The following CPB1 variants were observed in gnomAD, a reference collection of about 807,000 sequenced individuals.
CPB1 encodes the protein carboxypeptidase B.
In CPB1, 53 loss-of-function variants were observed where a neutral mutation model predicts 51.4. The observed-to-expected ratio is 1.03, with a 90% CI of 0.83 to 1.30. CPB1 has a LOEUF of 1.30. CPB1 is among the 50% of genes most tolerant of loss of function. The pLI, the probability that CPB1 is intolerant of heterozygous loss-of-function variation, is 0.00. For missense variants in CPB1, 494 were observed against 516.2 expected, an observed-to-expected ratio of 0.96 and a Z score of 0.42; for synonymous variants, 189 against 186.9, an observed-to-expected ratio of 1.01 and a Z score of -0.09.
chr3:148,834,364 G>A, intron 2 of CPB1, 134 bp from the exon 3 acceptor site: 1 of 874,016 alleles, frequency 1.1e-6, no homozygotes, highest in Non-Finnish European at 1.8e-6. Context: ...TTCACTCAAA[G>A]GAAATATTTT....
chr3:148,848,930 T>G (rs1050028352), intron 9 of CPB1, among the ~76,000 whole-genome samples: 1 of 152,248 alleles, frequency 6.6e-6, no homozygotes, highest in African/African-American at 2.4e-5. Context: ...TTACTCATAC[T>G]ATATTGTTTA....
chr3:148,842,364 G>T (rs1328853818), intron 6 of CPB1, among the ~76,000 whole-genome samples: 1 of 152,130 alleles, frequency 6.6e-6, no homozygotes. Context: ...ATTATCTCTT[G>T]GCTAATAATC....
chr3:148,858,029 T>C (rs1332009599), intron 10 of CPB1, among the ~76,000 whole-genome samples: 3 of 151,714 alleles, frequency 2.0e-5, no homozygotes, highest in Non-Finnish European at 4.4e-5. Flanking sequence ...AAAGTAAGAA[T>C]AGAGAGAAGA....
In CPB1 at chr3:148,828,038, T is replaced by C; in HGVS notation, c.108T>C (p.Asn36=). Residue 36 remains asparagine (N), a synonymous_variant, in exon 2 of 11, where the codon AAT becomes AAC. Coordinates refer to ENST00000282957, the MANE Select transcript of CPB1 (RefSeq NM_001871.3). Reference sequence around the variant, plus strand: ...TCCGTGTTAACGTTGAAGATGAAAATCACATTAACATAATCCGCGAGTTGG... The same window carrying C: ...TCCGTGTTAACGTTGAAGATGAAAACCACATTAACATAATCCGCGAGTTGG... ...KVFRVNVEDE[N]HINIIRELAS... The C allele has an allele frequency of 1.2e-6, 2 of 1,614,080 alleles. No homozygotes were observed. Among genetic ancestry groups the C allele is most frequent in the Non-Finnish European group, 1.7e-6 (2 of 1,179,998 alleles).
At chr3:148,840,188 T>C (rs1331602952) in intron 3 of CPB1, among the ~76,000 whole-genome samples, 1 of 152,190 alleles carries the variant, frequency 6.6e-6, no homozygotes, top group African/African-American at 2.4e-5. Context: ...AGACAAGATA[T>C]TTTTCTCAGA....
chr3:148,847,130 T>C (rs1713281707), intron 9 of CPB1, among the ~76,000 whole-genome samples: 1 of 150,966 alleles, frequency 6.6e-6, no homozygotes, highest in Non-Finnish European at 1.5e-5. Flanking sequence ...AGCAATAACA[T>C]ATATATATCC....
Position 148,840,718 on chromosome 3 carries a change from A to T in CPB1, c.305A>T (p.Glu102Val). 6.2e-7 allele frequency: 1 copy of T among 1,614,198 alleles called. No homozygotes were observed. Among genetic ancestry groups the T allele is most frequent in the Non-Finnish European group, 8.5e-7 (1 of 1,180,018 alleles). ...VLISNLRNVVEAQFDSRVRAT... is the reference protein window; with the variant it reads ...VLISNLRNVVVAQFDSRVRAT... ...ATAAGCAACCTGAGAAATGTGGTGG[A>T]GGCTCAGTTTGATAGCCGGGTTCGT... Residue 102 changes from glutamate to valine, a missense_variant, in exon 4 of 11, where the codon GAG becomes GTG. Glu to Val is a moderately radical substitution (Grantham distance 121, BLOSUM62 -2). Coordinates refer to ENST00000282957, the MANE Select transcript of CPB1 (RefSeq NM_001871.3).
chr3:148,828,572 A>G (rs1712640648), intron 2 of CPB1, among the ~76,000 whole-genome samples: 1 of 152,172 alleles, frequency 6.6e-6, no homozygotes, highest in African/African-American at 2.4e-5. Context: ...AAGAGGGTAA[A>G]AAGCCATGAG....
intron 3 of CPB1, among the ~76,000 whole-genome samples, chr3:148,836,166 T>C (rs1224745193): frequency 6.6e-6 from 1 of 152,162 alleles, no homozygotes; most frequent in Non-Finnish European, 1.5e-5. Flanking sequence ...ACGTTTTTTT[T>C]TTTAAGAGTC....
In CPB1 at chr3:148,840,859, G is replaced by T. The variant is rs201975944; in HGVS notation, c.373-15G>T. ...AAGAATGCCACATTGATCTACAAAT[G>T]ATTCCATTTGGTAGATAGAGGCTTG... On this transcript the variant is annotated splice_polypyrimidine_tract_variant and intron_variant, in intron 4 of 10. Coordinates refer to ENST00000282957, the MANE Select transcript of CPB1 (RefSeq NM_001871.3). 1.5e-5 allele frequency: 24 copies of T among 1,613,038 alleles called. No individual in the cohort carries two copies. The East Asian group carries it at 4.9e-4, about 33-fold the overall frequency.
chr3:148,851,522 G>A (rs1359979657), intron 9 of CPB1: 1 of 152,088 alleles, frequency 6.6e-6, no homozygotes, highest in Non-Finnish European at 1.5e-5. Context: ...CCATACAAAA[G>A]GAGAACAGAA....
intron 9 of CPB1, among the ~76,000 whole-genome samples, chr3:148,848,749 G>A (rs577765279): frequency 9.9e-5 from 15 of 152,196 alleles, no homozygotes; most frequent in African/African-American, 3.4e-4. Context: ...AGAAAGAAAG[G>A]CAGAGATAAG....
chr3:148,839,499 A>T (rs778779342), intron 3 of CPB1, among the ~76,000 whole-genome samples: 1 of 152,246 alleles, frequency 6.6e-6, no homozygotes, highest in South Asian at 2.1e-4. Flanking sequence ...AATAACTTTT[A>T]AAATCTGCAT....
intron 10 of CPB1, among the ~76,000 whole-genome samples, chr3:148,858,686 C>T (rs979357432): frequency 6.6e-6 from 1 of 152,176 alleles, no homozygotes; most frequent in African/African-American, 2.4e-5. Context: ...TAATTAGACA[C>T]TCAGTGTATG....
At chr3:148,844,015 T>C (rs1177296334) in intron 6 of CPB1, among the ~76,000 whole-genome samples, 2 of 152,158 alleles carry the variant, frequency 1.3e-5, no homozygotes, top group Non-Finnish European at 2.9e-5. Flanking sequence ...TACAGGAGGT[T>C]TTATAGAAAA....
At chr3:148,859,536 T>C (rs1042490676) in intron 10 of CPB1, among the ~76,000 whole-genome samples, 1 of 152,188 alleles carries the variant, frequency 6.6e-6, no homozygotes, top group African/African-American at 2.4e-5. Flanking sequence ...TAGTTTACCA[T>C]AGCATACAAG....
At chr3:148,850,720 G>A (rs1383537103) in intron 9 of CPB1, among the ~76,000 whole-genome samples, 1 of 152,118 alleles carries the variant, frequency 6.6e-6, no homozygotes, top group Non-Finnish European at 1.5e-5. Context: ...TGATTAGAAG[G>A]CAGACAGTTG....
At chr3:148,859,252 T>C (rs1713681003) in intron 10 of CPB1, among the ~76,000 whole-genome samples, 1 of 152,200 alleles carries the variant, frequency 6.6e-6, no homozygotes, top group Admixed American at 6.5e-5. Context: ...GATGAGTGAA[T>C]AAATGAACAA....
chr3:148,840,878 A>AG lies in CPB1; in HGVS notation c.379dup (p.Ala127GlyfsTer9), dbSNP rs749620037. 6.2e-7 allele frequency: 1 copy of AG among 1,614,158 alleles called. No homozygotes were observed. Among genetic ancestry groups the AG allele is most frequent in the Non-Finnish European group, 8.5e-7 (1 of 1,180,008 alleles). ...ACAAATGATTCCATTTGGTAGATAG[A>AG]GGCTTGGACTCAACAAGTCGCCACT... On this transcript the variant is annotated frameshift_variant, in exon 5 of 11. Coordinates refer to ENST00000282957, the MANE Select transcript of CPB1 (RefSeq NM_001871.3). LOFTEE classifies it high-confidence loss of function.
Sources: gnomAD v4.1 joint callset for allele counts (sites outside exome capture counted in the v4.1 genomes callset) on GRCh38, gnomAD v4.1.1 for gene constraint, MANE v1.5 for transcripts, NCBI Gene and HGNC (gene_info 2026-07-23, HGNC 2026-07-21) for gene names.